SHB: variants seen among roughly 807,000 people sequenced by gnomAD.
The protein encoded by SHB is SH2 domain containing adaptor protein B.
SHB carries 20 observed loss-of-function variants against 52.3 expected under a neutral mutation model. The observed-to-expected ratio is 0.38, with a 90% CI of 0.27 to 0.56. The LOEUF is 0.56. SHB is among the 20% of genes least tolerant of loss of function. The pLI, the probability that SHB is intolerant of heterozygous loss-of-function variation, is 0.71. For synonymous variants in SHB, 397 were observed against 316.5 expected (o/e 1.25, Z -2.70); for missense variants, 825 against 723.3 (o/e 1.14, Z -1.61).
chr9:38,011,124 G>C (rs1013282126), intron 2 of SHB, among the ~76,000 whole-genome samples: 3 of 152,168 alleles, frequency 2.0e-5, no homozygotes, highest in Non-Finnish European at 2.9e-5. Flanking sequence ...CCTTCCTGCT[G>C]CATCAGCAGG....
At chr9:37,987,557 C>T (rs540668009) in intron 2 of SHB, among the ~76,000 whole-genome samples, 1 of 152,342 alleles carries the variant, frequency 6.6e-6, no homozygotes, top group South Asian at 2.1e-4. Flanking sequence ...CAGCTCTGTC[C>T]GGATCCCACA....
rs746879729 is a variant in SHB at position 37,955,930 on chromosome 9, C to T, written c.1179G>A (p.Gly393=). Residue 393 remains glycine (G), a synonymous_variant, in exon 4 of 6, where the codon GGG becomes GGA. Transcript: ENST00000377707. The part of the protein sequence containing the change: ...PIKHGSPEFC[G]ILGERVDPAV... ...CAGGATCCACCCTTTCTCCTAGGAT[C>T]CCGCAGAACTCAGGGCTCCCATGTT... 7 of 1,613,732 alleles carry T rather than the reference C, an allele frequency of 4.3e-6. No homozygotes were observed. Among genetic ancestry groups the T allele is most frequent in the Admixed American group, 1.7e-5 (1 of 59,990 alleles).
At chr9:37,937,536 C>T (rs1202097871) in intron 5 of SHB, among the ~76,000 whole-genome samples, 2 of 151,640 alleles carry the variant, frequency 1.3e-5, no homozygotes, top group African/African-American at 2.4e-5. Context: ...GGAGGCTGCT[C>T]ACAGGGGAGC....
intron 1 of SHB, among the ~76,000 whole-genome samples, chr9:38,042,388 G>A (rs767207533): frequency 8.5e-5 from 13 of 152,172 alleles, no homozygotes; most frequent in Non-Finnish European, 1.5e-5. Context: ...AGTGTTGTGC[G>A]TAACACACTG....
At chr9:37,988,936 C>T (rs937098100) in intron 2 of SHB, among the ~76,000 whole-genome samples, 13 of 152,224 alleles carry the variant, frequency 8.5e-5, no homozygotes, top group African/African-American at 2.9e-4. Flanking sequence ...GGTTCCCAGG[C>T]CTTTAGTCTT....
At chr9:38,046,182 A>T (rs1821650171) in intron 1 of SHB, among the ~76,000 whole-genome samples, 1 of 151,826 alleles carries the variant, frequency 6.6e-6, no homozygotes, top group Admixed American at 6.6e-5. Context: ...AGCCGAGATA[A>T]GAAAAAAAAA....
chr9:38,040,905 G>A (rs1361517540), intron 1 of SHB, among the ~76,000 whole-genome samples: 1 of 151,942 alleles, frequency 6.6e-6, no homozygotes, highest in African/African-American at 2.4e-5. Context: ...GAGGGTGCGG[G>A]GTGGGGTTAG....
intron 2 of SHB, among the ~76,000 whole-genome samples, chr9:38,011,555 C>T (rs770178538): frequency 6.6e-5 from 10 of 152,132 alleles, no homozygotes; most frequent in African/African-American, 9.7e-5. Flanking sequence ...CTGCTTAAAA[C>T]GCAGATCACA....
At chr9:37,964,238 G>C (rs1434092074) in intron 3 of SHB, among the ~76,000 whole-genome samples, 1 of 152,228 alleles carries the variant, frequency 6.6e-6, no homozygotes, top group Non-Finnish European at 1.5e-5. Context: ...CATTGTGAGG[G>C]GAGGCGGCCA....
chr9:38,061,476 T>C (rs1214409577), intron 1 of SHB, among the ~76,000 whole-genome samples: 1 of 152,126 alleles, frequency 6.6e-6, no homozygotes, highest in Non-Finnish European at 1.5e-5. Flanking sequence ...GGCCTACCCA[T>C]TCCCCACAGG....
chr9:37,924,567 T>C (rs1168232238), intron 5 of SHB, among the ~76,000 whole-genome samples: 2 of 152,176 alleles, frequency 1.3e-5, no homozygotes, highest in Non-Finnish European at 2.9e-5. Context: ...CTGGTTTACC[T>C]TAGCTTGAAA....
In SHB at chr9:38,069,188, C is replaced by A. The variant is rs1031072826; in HGVS notation, c.-543G>T. On this transcript the variant is annotated 5_prime_UTR_variant, in exon 1 of 6. Coordinates refer to ENST00000377707, the MANE Select transcript of SHB (RefSeq NM_003028.3). ...GGCAGCCGGCGCCCGCCGGAGCCCG[C>A]GCGCCCGTGCCCGTCCCGGCGGCGC... 2 of 151,290 alleles carry A rather than the reference C, an allele frequency of 1.3e-5. No homozygotes were observed. Among genetic ancestry groups the A allele is most frequent in the African/African-American group, 4.9e-5 (2 of 41,148 alleles). 9.4% of individuals were successfully genotyped at this position (151,290 alleles called of 1,614,324 possible).
In SHB at chr9:37,934,326, C is replaced by T. The variant is rs577904612; in HGVS notation, c.1346+14309G>A. 4.9e-4 allele frequency among the ~76,000 whole-genome samples: 74 copies of T among 152,292 alleles called. 1 individual carries two copies. Among genetic ancestry groups the T allele is most frequent in the African/African-American group, 1.7e-3 (69 of 41,560 alleles). ...TTCTGTGGTGGGAAAGGATGGGGGT[C>T]TTGCTTTGTTGTCCAGGCTGGAGTG... On this transcript the variant is annotated intron_variant, in intron 5 of 5. Coordinates refer to ENST00000377707, the MANE Select transcript of SHB (RefSeq NM_003028.3).
At chr9:37,975,079 T>A (rs972444049) in intron 2 of SHB, among the ~76,000 whole-genome samples, 3 of 152,176 alleles carry the variant, frequency 2.0e-5, no homozygotes, top group Non-Finnish European at 2.9e-5. Flanking sequence ...CCTGCCTCCA[T>A]CCACTCATGA....
At position 37,918,687 on chromosome 9, in the gene SHB, T is replaced by G. The variant is rs1021868213; in HGVS notation, c.*1134A>C. Among the ~76,000 whole-genome samples, 6 of 152,066 alleles carry G rather than the reference T, an allele frequency of 3.9e-5. No individual in the cohort carries two copies. The highest frequency in any genetic ancestry group is 1.5e-4 in the African/African-American group (6 of 41,376). On this transcript the variant is annotated 3_prime_UTR_variant, in exon 6 of 6. Coordinates refer to ENST00000377707, the MANE Select transcript of SHB (RefSeq NM_003028.3). ...GGTGAGCTGTGTGGCTTTGGGCAAA[T>G]GACGTTCCTTCTCTGTCTCCCTTTC...
chr9:37,934,487 GA>G (rs1383686040), intron 5 of SHB, among the ~76,000 whole-genome samples: 2 of 151,196 alleles, frequency 1.3e-5, no homozygotes, highest in African/African-American at 4.9e-5. Flanking sequence ...TTTTTGTAGA[GA>G]CCTCGTCTCA....
intron 1 of SHB, among the ~76,000 whole-genome samples, chr9:38,040,815 G>A (rs1056663929): frequency 7.2e-5 from 11 of 152,088 alleles, no homozygotes; most frequent in African/African-American, 2.4e-4. Context: ...TAAAGTCTTT[G>A]GGGCTTTGCC....
rs1832108670 is a variant in SHB, at chr9:37,917,047, A to C, written c.*2774T>G. On this transcript the variant is annotated 3_prime_UTR_variant, in exon 6 of 6. Coordinates refer to ENST00000377707, the MANE Select transcript of SHB (RefSeq NM_003028.3). ...TAATTGGCAGCAGATGAAAAAAAAA[A>C]AAAACAAACCCAAAACAAAAACCAA... Among the ~76,000 whole-genome samples, 1 of 152,014 alleles carries C rather than the reference A, an allele frequency of 6.6e-6. No homozygotes were observed. Among genetic ancestry groups the C allele is most frequent in the Non-Finnish European group, 1.5e-5 (1 of 67,986 alleles).
At chr9:38,031,487 T>G (rs992823480) in intron 1 of SHB, among the ~76,000 whole-genome samples, 1 of 152,206 alleles carries the variant, frequency 6.6e-6, no homozygotes, top group African/African-American at 2.4e-5. Flanking sequence ...TCATTGGAGA[T>G]CACCATGCTT....
Sources: gnomAD v4.1 joint callset for allele counts (sites outside exome capture counted in the v4.1 genomes callset) on GRCh38, gnomAD v4.1.1 for gene constraint, MANE v1.5 for transcripts, NCBI Gene and HGNC (gene_info 2026-07-23, HGNC 2026-07-21) for gene names.